The following DST variants were observed in gnomAD, a reference collection of about 807,000 sequenced individuals.
DST encodes the protein dystonin.
In DST, 253 loss-of-function variants were observed where a neutral mutation model predicts 875.2. That is an observed-to-expected ratio of 0.29 (90% CI 0.26 to 0.32). The LOEUF is 0.32. Among genes scored for constraint, DST ranks in the 10% least tolerant of loss-of-function variants. The pLI is 1.00. For missense variants in DST, 8,287 were observed against 9,111.6 expected (o/e 0.91, Z 3.68); for synonymous variants, 3,124 against 3,197.1 (o/e 0.98, Z 0.77).
intron 2 of DST, among the ~76,000 whole-genome samples, chr6:56,903,822 T>C (rs954791678): frequency 1.3e-5 from 2 of 152,166 alleles, no homozygotes; most frequent in Non-Finnish European, 1.5e-5. Context: ...CACCTTAACA[T>C]TTTTTCTCCA....
rs150262671 is a variant in DST, at chr6:56,918,737, T to C, written c.217-18116A>G. ...TATAAATCTTTATATCTGTTGCCTATGTGATGGACAAAAGGCATTTTGGCA... is the reference window on the plus strand; with the variant it reads ...TATAAATCTTTATATCTGTTGCCTACGTGATGGACAAAAGGCATTTTGGCA... On this transcript the variant is annotated intron_variant, in intron 2 of 103. Transcript: ENST00000680361. Among the ~76,000 whole-genome samples, 6 of 152,274 alleles carry C rather than the reference T, an allele frequency of 3.9e-5. No individual in the cohort carries two copies. In the East Asian group the frequency reaches 9.6e-4, roughly 24 times the overall value.
intron 49 of DST, among the ~76,000 whole-genome samples, chr6:56,586,913 A>G (rs1346846111): frequency 6.6e-6 from 1 of 152,190 alleles, no homozygotes; most frequent in Non-Finnish European, 1.5e-5. Context: ...CCATCTGTAC[A>G]TCACCATCAT....
At chr6:56,808,153 T>C (rs1355164711) in intron 4 of DST, among the ~76,000 whole-genome samples, 1 of 152,028 alleles carries the variant, frequency 6.6e-6, no homozygotes, top group Non-Finnish European at 1.5e-5. Context: ...AGCTATGACG[T>C]CATCCAAGTA....
At chr6:56,844,796 C>T (rs1180318843) in intron 4 of DST, among the ~76,000 whole-genome samples, 2 of 149,970 alleles carry the variant, frequency 1.3e-5, no homozygotes, top group Non-Finnish European at 3.0e-5. Context: ...TGCTTGAACC[C>T]GGGAGGTGGA....
intron 3 of DST, among the ~76,000 whole-genome samples, chr6:56,861,455 C>T (rs193084791): frequency 2.6e-4 from 39 of 152,282 alleles, no homozygotes; most frequent in African/African-American, 9.4e-4. Context: ...CAACCACAGC[C>T]TCCTCTCAAG....
chr6:56,863,616 A>G lies in DST; in HGVS notation c.418-12012T>C, dbSNP rs558561386. On this transcript the variant is annotated intron_variant, in intron 3 of 103. Transcript: ENST00000680361. The stretch of plus-strand genomic sequence containing the variant: ...TCACAGCTGCCCTCCTGACCCTGAA[A>G]TATTGCTTGGGTGTTTTTTCTCCTC... 6.6e-5 allele frequency among the ~76,000 whole-genome samples: 10 copies of G among 152,198 alleles called. No homozygotes were observed. In the East Asian group the frequency reaches 1.9e-3, roughly 29 times the overall value.
chr6:56,646,245 T>C, intron 13 of DST, 63 bp from the exon 14 acceptor site: 2 of 916,456 alleles, frequency 2.2e-6, no homozygotes, highest in South Asian at 1.7e-5. Flanking sequence ...ATGATCTCAC[T>C]AAGCCACCAC....
At chr6:56,636,820 G>A (rs1450950933) in intron 22 of DST, among the ~76,000 whole-genome samples, 168 bp from the exon 23 acceptor site, 4 of 152,198 alleles carry the variant, frequency 2.6e-5, no homozygotes, top group South Asian at 2.1e-4. Context: ...GGTGGCTCAC[G>A]CCTGTAGTCC....
chr6:56,827,080 C>T (rs928249639), intron 4 of DST, among the ~76,000 whole-genome samples: 4 of 152,238 alleles, frequency 2.6e-5, no homozygotes, highest in East Asian at 1.9e-4. Context: ...AATGTATCTC[C>T]GATTAACTAA....
At chr6:56,560,006 G>T (rs1381263395) in intron 58 of DST, among the ~76,000 whole-genome samples, 1 of 151,976 alleles carries the variant, frequency 6.6e-6, no homozygotes, top group Non-Finnish European at 1.5e-5. Flanking sequence ...CTAGGAAAAA[G>T]AAACATTAAT....
At chr6:56,485,596 T>C (rs2095534153) in intron 87 of DST, 125 bp from the exon 88 acceptor site, 2 of 915,478 alleles carry the variant, frequency 2.2e-6, no homozygotes, top group Non-Finnish European at 1.6e-6. Flanking sequence ...TTGGTATTCA[T>C]TGTTGTTTCT....
At chr6:56,882,618 G>A (rs1782743162) in intron 3 of DST, among the ~76,000 whole-genome samples, 1 of 152,148 alleles carries the variant, frequency 6.6e-6, no homozygotes, top group Non-Finnish European at 1.5e-5. Flanking sequence ...GCTATCTCCT[G>A]AGCAGAGAGT....
intron 51 of DST, 21 bp downstream of exon 51, chr6:56,573,658 C>T (rs1240611053): frequency 6.3e-7 from 1 of 1,576,102 alleles, no homozygotes; most frequent in Non-Finnish European, 8.7e-7. Flanking sequence ...GAAAATGGGA[C>T]TTTTTTTTAA....
intron 4 of DST, among the ~76,000 whole-genome samples, chr6:56,792,798 T>C (rs954284115): frequency 1.3e-5 from 2 of 152,180 alleles, no homozygotes; most frequent in Admixed American, 6.5e-5. Flanking sequence ...CTGGGCATGG[T>C]AGCTCACGCC....
intron 4 of DST, among the ~76,000 whole-genome samples, chr6:56,739,725 G>A (rs563913164): frequency 8.7e-4 from 133 of 152,262 alleles, no homozygotes; most frequent in African/African-American, 3.1e-3. Context: ...GTGACCTCTG[G>A]TCGTCCTCAC....
chr6:56,492,833 C>T, intron 84 of DST, 101 bp downstream of exon 84: 1 of 1,056,072 alleles, frequency 9.5e-7, no homozygotes. Flanking sequence ...GATCACACCA[C>T]CACAGTCCTG....
chr6:56,698,520 G>A (rs1347043063), intron 9 of DST, among the ~76,000 whole-genome samples: 1 of 152,042 alleles, frequency 6.6e-6, no homozygotes, highest in Admixed American at 6.5e-5. Flanking sequence ...TAGAGACGGG[G>A]TTTCACCCGT....
At chr6:56,625,107 G>T in intron 35 of DST, 50 bp downstream of exon 35, 1 of 1,246,944 alleles carries the variant, frequency 8.0e-7, no homozygotes, top group Non-Finnish European at 1.2e-6. Flanking sequence ...TAAAAAGTAA[G>T]TGTTCTTTCT....
At chr6:56,747,438 T>C (rs2099575972) in intron 4 of DST, among the ~76,000 whole-genome samples, 1 of 152,232 alleles carries the variant, frequency 6.6e-6, no homozygotes, top group Admixed American at 6.5e-5. Flanking sequence ...TACTGGTATC[T>C]GTTCTCACAA....
Sources: allele counts gnomAD v4.1 joint callset (sites outside exome capture counted in the v4.1 genomes callset), GRCh38; gene constraint gnomAD v4.1.1; transcripts MANE v1.5; gene names NCBI Gene and HGNC (gene_info 2026-07-23, HGNC 2026-07-21).